The following SEMA4G variants were observed in gnomAD, a reference collection of about 807,000 sequenced individuals.
The protein encoded by SEMA4G is semaphorin 4G.
A neutral mutation model predicts 81.2 loss-of-function variants in SEMA4G; 59 were observed. The ratio of observed to expected loss-of-function variants is 0.73; its 90% CI spans 0.59 to 0.90. The LOEUF is 0.90. Ranked by LOEUF, SEMA4G falls within the 40% of genes least tolerant of loss-of-function variation. The pLI is 0.00. For missense variants in SEMA4G, 952 were observed against 1,102.3 expected, an observed-to-expected ratio of 0.86 and a Z score of 1.93; for synonymous variants, 404 against 433.9, an observed-to-expected ratio of 0.93 and a Z score of 0.86.
At chr10:100,983,630 T>C (rs1851248659) in exon 14 of SEMA4G, 2 of 1,614,014 alleles carry the variant, frequency 1.2e-6, no homozygotes, top group Middle Eastern at 1.6e-4. Context: ...TGGCACCTGA[T>C]GTGAGACTGC....
chr10:100,974,227 G>A (rs971435339), intron 3 of SEMA4G, among the ~76,000 whole-genome samples: 2 of 152,004 alleles, frequency 1.3e-5, no homozygotes, highest in Admixed American at 1.3e-4. Context: ...CACTTTGGGA[G>A]GCTGAGGGTA....
chr10:100,980,076 C>T, intron 9 of SEMA4G, 46 bp from the exon 11 acceptor site: 1 of 1,612,534 alleles, frequency 6.2e-7, no homozygotes, highest in Non-Finnish European at 8.5e-7. Flanking sequence ...AGAGGGCAGG[C>T]AGGTGGTGGA....
chr10:100,975,187 G>A, intron 3 of SEMA4G: 1 of 384,134 alleles, frequency 2.6e-6, no homozygotes, highest in South Asian at 2.1e-5. Flanking sequence ...CTCAGAATTT[G>A]ATACTTTAGA....
At chr10:100,985,359 C>T (rs1443718900), downstream of SEMA4G, 1 of 156,394 alleles carries the variant, frequency 6.4e-6, no homozygotes, top group East Asian at 1.9e-4. Flanking sequence ...TCTGACTGAG[C>T]TCCCCCATTC....
At chr10:100,981,661 T>C (rs1289698669) in intron 13 of SEMA4G, 4 of 1,266,670 alleles carry the variant, frequency 3.2e-6, no homozygotes, top group African/African-American at 3.0e-5. Context: ...AGCATTCTTA[T>C]GAGAAAGGTG....
At position 100,979,950 on chromosome 10, in the gene SEMA4G, G is replaced by C. The variant is rs776474084; in HGVS notation, c.1086G>C (p.Trp362Cys). Residue 362 changes from tryptophan (W) to cysteine (C), a missense_variant, in exon 9 of 14, where the codon TGG (tryptophan) becomes TGC (cysteine). By Grantham distance (215) the Trp-to-Cys change is radical. Coordinates refer to ENST00000370250, the Ensembl canonical transcript of SEMA4G. The stretch of plus-strand genomic sequence containing the variant: ...AATACCAGGATGGTTCCCGGCGCTG[G>C]GGTCGCTATGAGGGTGGGGTGCCTG... 1.3e-5 allele frequency: 21 copies of C among 1,613,962 alleles called. No individual in the cohort carries two copies. The South Asian group carries it at 2.3e-4, about 18-fold the overall frequency.
downstream of SEMA4G, chr10:100,985,244 G>A (rs1851382772): frequency 4.6e-6 from 1 of 219,728 alleles, no homozygotes; most frequent in African/African-American, 2.3e-5. Flanking sequence ...AAAGGGCAGA[G>A]GCTGGGAGTT....
chr10:100,984,553 A>G, exon 14 of SEMA4G: 2 of 1,536,112 alleles, frequency 1.3e-6, no homozygotes, highest in South Asian at 1.2e-5. Context: ...TGTGTGCTGG[A>G]TGGTCCTGAA....
chr10:100,970,000 C>T (rs1484162601), upstream of SEMA4G: 1 of 426,840 alleles, frequency 2.3e-6, no homozygotes, highest in Non-Finnish European at 4.9e-6. Flanking sequence ...GAGGGGCTCT[C>T]TCAAGCCAGG....
chr10:100,974,472 A>G (rs2133860706), intron 3 of SEMA4G, among the ~76,000 whole-genome samples: 1 of 152,180 alleles, frequency 6.6e-6, no homozygotes, highest in South Asian at 2.1e-4. Flanking sequence ...AAAAAAACAA[A>G]CCAACAAAAA....
chr10:100,983,484 C>T (rs775542275), exon 14 of SEMA4G: 2 of 1,614,180 alleles, frequency 1.2e-6, no homozygotes, highest in Non-Finnish European at 1.7e-6. Context: ...AGATGCACAG[C>T]CTGAGCACAG....
upstream of SEMA4G, among the ~76,000 whole-genome samples, chr10:100,971,471 G>A (rs1413790116): frequency 1.3e-5 from 2 of 152,194 alleles, no homozygotes; most frequent in Admixed American, 6.5e-5. Context: ...TGCCCCTGCA[G>A]TGCTGACCTT....
At chr10:100,981,682 T>C in intron 13 of SEMA4G, 2 of 1,089,524 alleles carry the variant, frequency 1.8e-6, no homozygotes, top group Admixed American at 2.1e-5. Flanking sequence ...CCATTATTAT[T>C]ATCCCCATGA....
At chr10:100,977,203 G>C (rs372800685) in intron 3 of SEMA4G, among the ~76,000 whole-genome samples, 2 of 152,130 alleles carry the variant, frequency 1.3e-5, no homozygotes, top group Non-Finnish European at 2.9e-5. Context: ...CTGGGATATC[G>C]GGTGGAGAGC....
At chr10:100,977,988 A>G (rs1477718525) in intron 4 of SEMA4G, 3 of 570,706 alleles carry the variant, frequency 5.3e-6, no homozygotes, top group African/African-American at 1.9e-5. Flanking sequence ...ATTTAACCCA[A>G]AACAAAGGGC....
At chr10:100,984,964 T>C, downstream of SEMA4G, 1 of 1,410,974 alleles carries the variant, frequency 7.1e-7, no homozygotes, top group Non-Finnish European at 9.3e-7. Flanking sequence ...CACATGTGCT[T>C]ACATTTCCAC....
intron 10 of SEMA4G, 114 bp downstream of exon 11, chr10:100,980,458 T>C: frequency 7.4e-7 from 1 of 1,350,198 alleles, no homozygotes; most frequent in African/African-American, 1.4e-5. Context: ...GGTCCACTGC[T>C]CCTGGCTGAG....
chr10:100,976,991 TAGGACAATGAATTAATTGTGG>T (rs1454051571), intron 3 of SEMA4G, among the ~76,000 whole-genome samples: 2 of 152,152 alleles, frequency 1.3e-5, no homozygotes, highest in Non-Finnish European at 2.9e-5. Context: ...AAGAGACTTT[TAGGACAATGAATTAATTGTGG>T]AGAGGGACTG....
upstream of SEMA4G, among the ~76,000 whole-genome samples, chr10:100,972,308 G>A (rs1401223344): frequency 6.6e-6 from 1 of 152,006 alleles, no homozygotes; most frequent in Non-Finnish European, 1.5e-5. Flanking sequence ...CTTGGGTTTC[G>A]GGTTGTGGGC....
Sources: allele counts gnomAD v4.1 joint callset (sites outside exome capture counted in the v4.1 genomes callset), GRCh38; gene constraint gnomAD v4.1.1; transcripts MANE v1.5; gene names NCBI Gene and HGNC (gene_info 2026-07-23, HGNC 2026-07-21).